The following MRPL42 variants were observed in gnomAD, a reference collection of about 807,000 sequenced individuals.
MRPL42 encodes the protein large ribosomal subunit protein mL42.
A neutral mutation model predicts 17.9 loss-of-function variants in MRPL42; 17 were observed. The ratio of observed to expected loss-of-function variants is 0.95; its 90% CI spans 0.65 to 1.42. The LOEUF is 1.42. Ranked by LOEUF, MRPL42 falls within the 40% of genes most tolerant of loss-of-function variation. MRPL42 has a pLI of 0.00. For missense variants in MRPL42, 177 were observed against 175.2 expected (o/e 1.01, Z -0.06); for synonymous variants, 59 against 54.4 (o/e 1.08, Z -0.37).
At chr12:93,480,189 C>T (rs1018353348) in intron 4 of MRPL42, among the ~76,000 whole-genome samples, 3 of 151,500 alleles carry the variant, frequency 2.0e-5, no homozygotes, top group East Asian at 2.0e-4. Flanking sequence ...TGGCGTGATC[C>T]GGCTCACTGC....
chr12:93,489,912 G>T lies in MRPL42; in HGVS notation c.383+2252G>T, dbSNP rs144416832. On this transcript the variant is annotated intron_variant, in intron 5 of 5. Transcript: ENST00000549982. The stretch of plus-strand genomic sequence containing the variant: ...TCTATATTTTTAATTGTAAGGTTAG[G>T]ATATGTGCAAACAAATTAGGAAACC... Among the ~76,000 whole-genome samples the T allele has an allele frequency of 4.1e-4, 62 of 152,312 alleles. 1 individual carries two copies. In the East Asian group the frequency reaches 0.012, roughly 28 times the overall value.
chr12:93,475,490 G>A (rs1253645125), intron 2 of MRPL42, among the ~76,000 whole-genome samples: 6 of 152,108 alleles, frequency 3.9e-5, no homozygotes, highest in African/African-American at 1.4e-4. Flanking sequence ...CATGGTAAAG[G>A]CATGGAGATA....
chr12:93,513,066 T>A lies in MRPL42; in HGVS notation c.*11845T>A, dbSNP rs1372937585. On this transcript the variant is annotated 3_prime_UTR_variant, in exon 6 of 6. Coordinates refer to ENST00000549982, the MANE Select transcript of MRPL42 (RefSeq NM_014050.4). ...GTTTCATCTTATGAATAATATTTTT[T>A]AAAAACCATGGAAACAGTTTAGATA... is the stretch of plus-strand genomic sequence containing the variant. 2 of 152,128 alleles carry A rather than the reference T, an allele frequency of 1.3e-5. No individual in the cohort carries two copies. The highest frequency in any genetic ancestry group is 2.4e-5 in the African/African-American group (1 of 41,426). The allele number at this position is 152,128 out of a possible 1,614,324, so 9.4% of individuals were successfully genotyped here.
chr12:93,483,156 A>G (rs766389897), intron 4 of MRPL42, among the ~76,000 whole-genome samples: 1 of 152,144 alleles, frequency 6.6e-6, no homozygotes, highest in African/African-American at 2.4e-5. Flanking sequence ...TGGCCTCCCA[A>G]AGTGCTGGGA....
rs1953693123 is a variant in MRPL42, at chr12:93,508,373, G to A, written c.*7152G>A. The A allele has an allele frequency of 6.5e-6, 1 of 152,930 alleles. No homozygotes were observed. Among genetic ancestry groups the A allele is most frequent in the South Asian group, 2.1e-4 (1 of 4,836 alleles). The allele number at this position is 152,930 out of a possible 1,614,324, so 9.5% of individuals were successfully genotyped here. ...TTGAGCCCATGAGATTGAGGCTGTA[G>A]TGAGCCATGATTGTGCCACTGCACT... On this transcript the variant is annotated 3_prime_UTR_variant, in exon 6 of 6. Transcript: ENST00000549982.
intron 4 of MRPL42, among the ~76,000 whole-genome samples, chr12:93,486,017 AT>A (rs902477470): frequency 2.8e-4 from 42 of 150,446 alleles, no homozygotes; most frequent in African/African-American, 1.0e-3. Context: ...AGGTTTTTAA[AT>A]TTTTTGTAGA....
chr12:93,501,872 A>G lies in MRPL42; in HGVS notation c.*651A>G, dbSNP rs879374846. 2.0e-5 allele frequency: 3 copies of G among 152,226 alleles called. No individual in the cohort carries two copies. The highest frequency in any genetic ancestry group is 2.9e-5 in the Non-Finnish European group (2 of 68,046). The allele number at this position is 152,226 out of a possible 1,614,324, so 9.4% of individuals were successfully genotyped here. A position where few individuals can be genotyped will look rare whatever the true frequency, so the allele number is the denominator to read the frequency against. ...TGTTATGATGTTTCAGTTGGCTTCT[A>G]GGAAATAATTAAATTAGTGATATTT... On this transcript the variant is annotated 3_prime_UTR_variant, in exon 6 of 6. Coordinates refer to ENST00000549982, the MANE Select transcript of MRPL42 (RefSeq NM_014050.4).
rs1279370886 is a variant in MRPL42 at position 93,509,516 on chromosome 12, C to G, written c.*8295C>G. 1.3e-5 allele frequency: 2 copies of G among 151,854 alleles called. No homozygotes were observed. The highest frequency in any genetic ancestry group is 4.8e-5 in the African/African-American group (2 of 41,314). The allele number at this position is 151,854 out of a possible 1,614,324, so 9.4% of individuals were successfully genotyped here. ...GGCACAGTGGCACATGCCTGTAGAC[C>G]TAGCTACTCAGGAGGCTAAGACAGG... On this transcript the variant is annotated 3_prime_UTR_variant, in exon 6 of 6. Coordinates refer to ENST00000549982, the MANE Select transcript of MRPL42 (RefSeq NM_014050.4).
At chr12:93,485,705 C>T (rs954889044) in intron 4 of MRPL42, among the ~76,000 whole-genome samples, 2 of 151,938 alleles carry the variant, frequency 1.3e-5, no homozygotes, top group Non-Finnish European at 2.9e-5. Context: ...ATTATGATAG[C>T]GTTATATAGT....
Position 93,479,446 on chromosome 12 carries a change from G to A in MRPL42, c.193G>A (p.Val65Met). Residue 65 changes from valine to methionine, a missense_variant, in exon 4 of 6, where the codon GTG becomes ATG. Coordinates refer to ENST00000549982, the MANE Select transcript of MRPL42 (RefSeq NM_014050.4). Reference protein sequence around the residue: ...GRTIVCYHPSVDIPYEHTKPI... With the variant: ...GRTIVCYHPSMDIPYEHTKPI... ...GACAATAGTATGCTACCACCCTTCT[G>A]TGGACATTCCATATGAACACACAAA... The A allele has an allele frequency of 6.2e-7, 1 of 1,610,390 alleles. No individual in the cohort carries two copies. The highest frequency in any genetic ancestry group is 8.5e-7 in the Non-Finnish European group (1 of 1,178,002).
At position 93,505,396 on chromosome 12, in the gene MRPL42, G is replaced by A. The variant is rs1396580938; in HGVS notation, c.*4175G>A. 6.6e-6 allele frequency: 1 copy of A among 152,138 alleles called. No homozygotes were observed. Among genetic ancestry groups the A allele is most frequent in the African/African-American group, 2.4e-5 (1 of 41,436 alleles). 9.4% of individuals were successfully genotyped at this position (152,138 alleles called of 1,614,324 possible). ...TTTCCAGAAGATGAGTTGAATATCA[G>A]CCCACAAACACTGGTAGTAAGCAAA... is the stretch of plus-strand genomic sequence containing the variant. On this transcript the variant is annotated 3_prime_UTR_variant, in exon 6 of 6. Coordinates refer to ENST00000549982, the MANE Select transcript of MRPL42 (RefSeq NM_014050.4).
In MRPL42 at chr12:93,470,341, T is replaced by A. The variant is rs1320419864; in HGVS notation, c.70+986T>A. On this transcript the variant is annotated intron_variant, in intron 2 of 5. Coordinates refer to ENST00000549982, the MANE Select transcript of MRPL42 (RefSeq NM_014050.4). ...GTGCTTTCTTTTTCCTTTTCCTGTCTGTAAACAGAGTTTATAGCTCTTATA... is the reference window on the plus strand; with the variant it reads ...GTGCTTTCTTTTTCCTTTTCCTGTCAGTAAACAGAGTTTATAGCTCTTATA... The A allele has an allele frequency of 7.3e-6, 5 of 686,698 alleles. No homozygotes were observed. In the African/African-American group the frequency reaches 9.5e-5, roughly 13 times the overall value. The allele number at this position is 686,698 out of a possible 1,614,324, so 42.5% of individuals were successfully genotyped here. A position where few individuals can be genotyped will look rare whatever the true frequency, so the allele number is the denominator to read the frequency against.
rs896099052 is a variant in MRPL42, at chr12:93,502,503, A to C, written c.*1282A>C. The C allele has an allele frequency of 1.3e-5, 2 of 152,192 alleles. No individual in the cohort carries two copies. The highest frequency in any genetic ancestry group is 6.5e-5 in the Admixed American group (1 of 15,278). The allele number at this position is 152,192 out of a possible 1,614,324, so 9.4% of individuals were successfully genotyped here. A position where few individuals can be genotyped will look rare whatever the true frequency, so the allele number is the denominator to read the frequency against. On this transcript the variant is annotated 3_prime_UTR_variant, in exon 6 of 6. Transcript: ENST00000549982. ...TTAATAAAGGAACTCTAGAAGTTTCAAGTGGCCAGTGAAGTGTGAGGAATA... is the reference window on the plus strand; with the variant it reads ...TTAATAAAGGAACTCTAGAAGTTTCCAGTGGCCAGTGAAGTGTGAGGAATA...
chr12:93,510,209 T>G lies in MRPL42; in HGVS notation c.*8988T>G, dbSNP rs1427786535. Reference sequence around the variant, plus strand: ...GAATCATAAAGTATATATAGCCTTTTCACATTGGTTTCTTTCACTGGATAA... The same window carrying G: ...GAATCATAAAGTATATATAGCCTTTGCACATTGGTTTCTTTCACTGGATAA... On this transcript the variant is annotated 3_prime_UTR_variant, in exon 6 of 6. Transcript: ENST00000549982. 6.6e-6 allele frequency: 1 copy of G among 152,240 alleles called. No homozygotes were observed. The highest frequency in any genetic ancestry group is 1.5e-5 in the Non-Finnish European group (1 of 68,046). The allele number at this position is 152,240 out of a possible 1,614,324, so 9.4% of individuals were successfully genotyped here. A position where few individuals can be genotyped will look rare whatever the true frequency, so the allele number is the denominator to read the frequency against.
intron 5 of MRPL42, among the ~76,000 whole-genome samples, chr12:93,497,757 G>C (rs1362871670): frequency 1.4e-5 from 2 of 140,330 alleles, no homozygotes; most frequent in African/African-American, 5.2e-5. Flanking sequence ...AAAAAAAAAA[G>C]GCGTCCACTC....
At chr12:93,485,682 A>G (rs1880708453) in intron 4 of MRPL42, among the ~76,000 whole-genome samples, 1 of 152,178 alleles carries the variant, frequency 6.6e-6, no homozygotes, top group African/African-American at 2.4e-5. Context: ...TTATTATTGA[A>G]TATGTTACTT....
intron 4 of MRPL42, among the ~76,000 whole-genome samples, chr12:93,480,019 GT>G (rs893672416): frequency 6.6e-6 from 1 of 150,814 alleles, no homozygotes; most frequent in African/African-American, 2.4e-5. Context: ...ATTTTGTATT[GT>G]TTTTAATATA....
chr12:93,496,980 A>G (rs966556053), intron 5 of MRPL42, among the ~76,000 whole-genome samples: 7 of 152,316 alleles, frequency 4.6e-5, no homozygotes, highest in Admixed American at 2.6e-4. Flanking sequence ...GAGGCAATGG[A>G]CAAATTCCTG....
chr12:93,478,570 T>A (rs1443413926), intron 3 of MRPL42, among the ~76,000 whole-genome samples: 6 of 152,170 alleles, frequency 3.9e-5, no homozygotes, highest in Non-Finnish European at 8.8e-5. Context: ...TAATTGTACA[T>A]CTAATGAGTA....
Sources: allele counts gnomAD v4.1 joint callset (sites outside exome capture counted in the v4.1 genomes callset), GRCh38; gene constraint gnomAD v4.1.1; transcripts MANE v1.5; gene names NCBI Gene and HGNC (gene_info 2026-07-23, HGNC 2026-07-21).